ADGRG6: variants seen among roughly 807,000 people sequenced by gnomAD.
ADGRG6 encodes G-protein coupled receptor 126.
ADGRG6 carries 84 observed loss-of-function variants against 142.4 expected under a neutral mutation model. The ratio of observed to expected loss-of-function variants is 0.59; its 90% confidence interval spans 0.49 to 0.71. ADGRG6 has a LOEUF of 0.71. ADGRG6 is among the 30% of genes least tolerant of loss of function. The probability of loss-of-function intolerance (pLI) is 0.00; values close to 1 mark genes in which losing one functional copy is unlikely to be tolerated. For missense variants in ADGRG6, 1,367 were observed against 1,466.6 expected (o/e 0.93, Z 1.11); for synonymous variants, 521 against 520.5 (o/e 1.00, Z -0.01).
Position 142,445,031 on chromosome 6 carries a change from A to G in ADGRG6, c.*1516A>G, listed in dbSNP as rs575655071. 8 of 152,272 alleles carry G rather than the reference A, an allele frequency of 5.3e-5. No homozygotes were observed. In the East Asian group the frequency reaches 1.4e-3, roughly 26 times the overall value. The allele number at this position is 152,272 out of a possible 1,614,324, so 9.4% of individuals were successfully genotyped here. On this transcript the variant is annotated 3_prime_UTR_variant, in exon 25 of 25. Transcript: ENST00000367609. The stretch of plus-strand genomic sequence containing the variant: ...AAACAGGTAGTTTGCAGTCTGAGAT[A>G]TGGGAGAGCTTTTAGGCTACACAGC...
At chr6:142,380,329 G>A (rs559528117) in intron 4 of ADGRG6, among the ~76,000 whole-genome samples, 38 of 152,168 alleles carry the variant, frequency 2.5e-4, no homozygotes, top group Admixed American at 1.7e-3. Flanking sequence ...GAGGGACCTC[G>A]GCCAAGAGGA....
At position 142,402,840 on chromosome 6, in the gene ADGRG6, T is replaced by C. The variant is rs764795518; in HGVS notation, c.1955+10T>C. On this transcript the variant is annotated intron_variant, in intron 13 of 24. Coordinates refer to ENST00000367609, the MANE Select transcript of ADGRG6 (RefSeq NM_198569.3). ...TTGAGTCATCTTCTGAGTAAGTATT[T>C]TTTTTTTCCTGGAGAGTAAATTTTA... 5.5e-6 allele frequency: 8 copies of C among 1,466,960 alleles called. No homozygotes were observed. The highest frequency in any genetic ancestry group is 7.5e-6 in the Non-Finnish European group (8 of 1,073,102). 90.9% of individuals were successfully genotyped at this position (1,466,960 alleles called of 1,614,324 possible).
intron 10 of ADGRG6, among the ~76,000 whole-genome samples, chr6:142,398,304 A>T (rs1314571422): frequency 1.3e-5 from 2 of 152,104 alleles, no homozygotes; most frequent in Non-Finnish European, 2.9e-5. Context: ...TGCACCTGTA[A>T]TCTCAGTTAC....
At chr6:142,392,813 C>T (rs1774966487) in intron 7 of ADGRG6, 135 bp from the exon 8 acceptor site, 5 of 630,752 alleles carry the variant, frequency 7.9e-6, no homozygotes, top group Non-Finnish European at 1.4e-5. Flanking sequence ...GATCCATTAA[C>T]TGTTCACTCC....
chr6:142,348,091 G>A (rs556809713), intron 2 of ADGRG6, among the ~76,000 whole-genome samples: 1 of 152,168 alleles, frequency 6.6e-6, no homozygotes, highest in African/African-American at 2.4e-5. Flanking sequence ...ATGTTTTTGT[G>A]GTTGGATTTT....
chr6:142,354,914 G>C (rs1248837724), intron 2 of ADGRG6, among the ~76,000 whole-genome samples: 1 of 152,210 alleles, frequency 6.6e-6, no homozygotes, highest in East Asian at 1.9e-4. Context: ...CCTAAAAACT[G>C]AAAGTCTGGT....
chr6:142,367,662 C>T lies in ADGRG6; in HGVS notation c.197C>T (p.Ala66Val). The stretch of plus-strand genomic sequence containing the variant: ...CCTAACGACTACCCAAACAGCCAGG[C>T]TTGCATGTGGACGCTCCGAGCCCCC... ...CYPNDYPNSQ[A>V]CMWTLRAPTG... is the part of the protein sequence containing the mutation. The change falls in exon 3 of 25, where the codon GCT becomes GTT. Residue 66 changes from alanine (A) to valine (V), a missense_variant. Coordinates refer to ENST00000367609, the MANE Select transcript of ADGRG6 (RefSeq NM_198569.3). The T allele has an allele frequency of 6.2e-7, 1 of 1,613,828 alleles. No individual in the cohort carries two copies. The highest frequency in any genetic ancestry group is 8.5e-7 in the Non-Finnish European group (1 of 1,179,854).
rs574763786 is a variant in ADGRG6, at chr6:142,375,916, C to A, written c.1069+5123C>A. Among the ~76,000 whole-genome samples, 7 of 152,100 alleles carry A rather than the reference C, an allele frequency of 4.6e-5. 1 individual carries two copies. The South Asian group carries it at 1.5e-3, about 32-fold the overall frequency. On this transcript the variant is annotated intron_variant, in intron 4 of 24. Coordinates refer to ENST00000367609, the MANE Select transcript of ADGRG6 (RefSeq NM_198569.3). ...AAAATTGATATATTATTAATAAATA[C>A]TCTAACGATTTTAGTATATGACTTT...
At chr6:142,394,054 AACTT>A (rs944701340) in intron 9 of ADGRG6, 96 bp downstream of exon 9, 7 of 806,140 alleles carry the variant, frequency 8.7e-6, no homozygotes, top group African/African-American at 3.4e-5. Context: ...AGGAAAGAAA[AACTT>A]AATCACATAG....
intron 3 of ADGRG6, among the ~76,000 whole-genome samples, chr6:142,369,273 GT>G (rs1781106257): frequency 6.6e-6 from 1 of 152,132 alleles, no homozygotes; most frequent in Admixed American, 6.6e-5. Context: ...CATGGATTAG[GT>G]GAATACATTT....
chr6:142,329,306 A>G (rs1203574068), intron 2 of ADGRG6, among the ~76,000 whole-genome samples: 1 of 152,136 alleles, frequency 6.6e-6, no homozygotes, highest in Non-Finnish European at 1.5e-5. Flanking sequence ...TATAATCTTC[A>G]TGGCTCATTA....
At chr6:142,333,658 C>T (rs1407435949) in intron 2 of ADGRG6, among the ~76,000 whole-genome samples, 2 of 152,294 alleles carry the variant, frequency 1.3e-5, no homozygotes, top group East Asian at 1.9e-4. Flanking sequence ...CCACCTTCAT[C>T]ACTTTTGAGC....
At chr6:142,387,767 AAAT>A (rs1181702635) in intron 6 of ADGRG6, among the ~76,000 whole-genome samples, 1 of 152,216 alleles carries the variant, frequency 6.6e-6, no homozygotes, top group Non-Finnish European at 1.5e-5. Context: ...GACCTACAAA[AAAT>A]AATGTTGTTT....
chr6:142,393,733 AC>A (rs1466593553), intron 8 of ADGRG6, among the ~76,000 whole-genome samples, 162 bp from the exon 9 acceptor site: 1 of 152,170 alleles, frequency 6.6e-6, no homozygotes, highest in African/African-American at 2.4e-5. Flanking sequence ...GCAAAAGCAC[AC>A]AGTTGCCTAG....
At position 142,367,838 on chromosome 6, in the gene ADGRG6, A is replaced by C. The variant is rs1781027535; in HGVS notation, c.373A>C (p.Asn125His). The change falls in exon 3 of 25, where the codon AAT becomes CAT. Residue 125 changes from asparagine (N) to histidine (H), a missense_variant. Transcript: ENST00000367609. ...AKGLSFNSSA[N>H]EMHVSFSSDF... ...AGGCCTATCATTTAACTCAAGTGCG[A>C]ATGAGATGCATGTGTCCTTTTCAAG... 1 of 1,613,720 alleles carries C rather than the reference A, an allele frequency of 6.2e-7. No individual in the cohort carries two copies. The highest frequency in any genetic ancestry group is 8.5e-7 in the Non-Finnish European group (1 of 1,179,802).
intron 17 of ADGRG6, among the ~76,000 whole-genome samples, chr6:142,411,070 C>T (rs956380674): frequency 6.6e-6 from 1 of 152,090 alleles, no homozygotes; most frequent in African/African-American, 2.4e-5. Flanking sequence ...GTGGAACTCT[C>T]AAGTTTGAAC....
chr6:142,395,941 AGAG>A (rs1775165408), intron 9 of ADGRG6, among the ~76,000 whole-genome samples: 1 of 152,212 alleles, frequency 6.6e-6, no homozygotes, highest in African/African-American at 2.4e-5. Context: ...AAAGCCACAG[AGAG>A]GTTTTTTTCA....
chr6:142,427,948 G>C (rs576787112), intron 22 of ADGRG6, among the ~76,000 whole-genome samples: 3 of 152,328 alleles, frequency 2.0e-5, no homozygotes, highest in Non-Finnish European at 4.4e-5. Context: ...TGTGAGAATT[G>C]TGGGAGTTAC....
intron 22 of ADGRG6, among the ~76,000 whole-genome samples, chr6:142,425,153 C>T (rs1245512527): frequency 2.6e-5 from 4 of 152,130 alleles, no homozygotes; most frequent in Non-Finnish European, 4.4e-5. Context: ...TCTTTATAAA[C>T]ACAATAGGAA....
Sources: gnomAD v4.1 joint callset for allele counts (sites outside exome capture counted in the v4.1 genomes callset) on GRCh38, gnomAD v4.1.1 for gene constraint, MANE v1.5 for transcripts, NCBI Gene and HGNC (gene_info 2026-07-23, HGNC 2026-07-21) for gene names.